The following ACAT1 variants were observed in gnomAD, a reference collection of about 807,000 sequenced individuals.
ACAT1 encodes acetyl-CoA acetyltransferase, mitochondrial.
A neutral mutation model predicts 47.3 loss-of-function variants in ACAT1; 28 were observed. The observed-to-expected ratio is 0.59, with a 90% CI of 0.44 to 0.81. ACAT1 has a LOEUF of 0.81. ACAT1 is among the 30% of genes least tolerant of loss of function. ACAT1 has a pLI of 0.00. For missense variants in ACAT1, 469 were observed against 524.3 expected (o/e 0.89, Z 1.03); for synonymous variants, 181 against 173.6 (o/e 1.04, Z -0.34).
Position 108,140,079 on chromosome 11 carries a change from G to C in ACAT1, c.594G>C (p.Glu198Asp). 1 of 1,614,006 alleles carries C rather than the reference G, an allele frequency of 6.2e-7. No homozygotes were observed. Among genetic ancestry groups the C allele is most frequent in the South Asian group, 1.1e-5 (1 of 91,076 alleles). The change falls in exon 7 of 12, where the codon GAG becomes GAC. Residue 198 changes from glutamate to aspartate, a missense_variant. Glu to Asp is a conservative substitution (Grantham distance 45). Coordinates refer to ENST00000265838, the MANE Select transcript of ACAT1 (RefSeq NM_000019.4). Reference protein sequence around the residue: ...YNKIHMGSCAENTAKKLNIAR... With the variant: ...YNKIHMGSCADNTAKKLNIAR... Reference sequence around the variant, plus strand: ...CTTTTTATCAGGGCAGCTGTGCTGAGAATACAGCAAAGAAGCTGAATATTG... The same window carrying C: ...CTTTTTATCAGGGCAGCTGTGCTGACAATACAGCAAAGAAGCTGAATATTG...
intron 3 of ACAT1, 64 bp from the exon 4 acceptor site, chr11:108,134,157 T>G (rs1340737827): frequency 9.2e-6 from 13 of 1,415,950 alleles, no homozygotes; most frequent in African/African-American, 1.4e-5. Flanking sequence ...CCTACCTTAT[T>G]AGGTAATCAC....
intron 10 of ACAT1, among the ~76,000 whole-genome samples, chr11:108,145,767 G>A (rs573423678): frequency 6.8e-4 from 104 of 152,096 alleles, no homozygotes; most frequent in Non-Finnish European, 1.1e-3. Flanking sequence ...AAAATGGGCC[G>A]GGTGCGGTGG....
chr11:108,121,662 T>C lies in ACAT1; in HGVS notation c.56T>C (p.Leu19Pro). 1 of 1,549,248 alleles carries C rather than the reference T, an allele frequency of 6.5e-7. No individual in the cohort carries two copies. Among genetic ancestry groups the C allele is most frequent in the Non-Finnish European group, 8.7e-7 (1 of 1,147,114 alleles). Residue 19 changes from leucine to proline, a missense_variant, in exon 1 of 12, where the codon CTC becomes CCC. Physicochemically the swap from Leu to Pro is moderately conservative, Grantham distance 98. Coordinates refer to ENST00000265838, the MANE Select transcript of ACAT1 (RefSeq NM_000019.4). ...GGCGCCCGCAGCCGCAGCCCCCTGC[T>C]CCGGAGGCTGGTGCAGGTGAGCGGG... ...RSGARSRSPL[L>P]RRLVQEIRYV...
At chr11:108,133,704 T>A (rs1468823341) in intron 2 of ACAT1, 116 bp from the exon 3 acceptor site, 6 of 835,822 alleles carry the variant, frequency 7.2e-6, no homozygotes, top group Non-Finnish European at 1.2e-5. Context: ...ACTATTGAGA[T>A]TAATTTTTGA....
At chr11:108,122,053 A>G in intron 1 of ACAT1, 1 of 332,726 alleles carries the variant, frequency 3.0e-6, no homozygotes, top group South Asian at 3.4e-5. Flanking sequence ...GATTTTCTTT[A>G]AAACATATTT....
Position 108,134,295 on chromosome 11 carries a change from A to G in ACAT1, c.313A>G (p.Arg105Gly). The G allele has an allele frequency of 6.2e-7, 1 of 1,613,656 alleles. No individual in the cohort carries two copies. Among genetic ancestry groups the G allele is most frequent in the East Asian group, 2.2e-5 (1 of 44,840 alleles). The change falls in exon 4 of 12, where the codon AGG (arginine) becomes GGG (glycine). Residue 105 changes from arginine (R) to glycine (G), a missense_variant. Physicochemically the swap from Arg to Gly is moderately radical, Grantham distance 125 (BLOSUM62 -2). Coordinates refer to ENST00000265838, the MANE Select transcript of ACAT1 (RefSeq NM_000019.4). ...LQGGEGQAPT[R>G]QAVLGAGLPI... ...AGGAGGTGAAGGACAAGCTCCTACA[A>G]GGCAGGCAGTATTGGGTGCAGGTAC...
At chr11:108,125,526 T>A (rs1376592171) in intron 1 of ACAT1, among the ~76,000 whole-genome samples, 1 of 152,068 alleles carries the variant, frequency 6.6e-6, no homozygotes, top group African/African-American at 2.4e-5. Flanking sequence ...GTGTAAGAGG[T>A]GCTTTGAAGG....
At chr11:108,144,154 TA>T (rs1263649675) in intron 10 of ACAT1, 107 bp downstream of exon 10, 28 of 1,284,110 alleles carry the variant, frequency 2.2e-5, no homozygotes, top group Non-Finnish European at 3.1e-5. Context: ...AGCAGAGAGA[TA>T]GCTTGGTTTC....
At chr11:108,132,875 A>C (rs1012667273) in intron 2 of ACAT1, among the ~76,000 whole-genome samples, 1 of 146,572 alleles carries the variant, frequency 6.8e-6, no homozygotes, top group African/African-American at 2.6e-5. Context: ...AAAAAAAAAA[A>C]AAAAAAGAAA....
At chr11:108,140,991 C>T (rs1419224701) in intron 7 of ACAT1, among the ~76,000 whole-genome samples, 5 of 151,792 alleles carry the variant, frequency 3.3e-5, no homozygotes, top group Non-Finnish European at 2.9e-5. Flanking sequence ...TTTGGGAGGC[C>T]GAGGTGGGAG....
chr11:108,123,439 C>T (rs1029837414), intron 1 of ACAT1, among the ~76,000 whole-genome samples: 2 of 152,092 alleles, frequency 1.3e-5, no homozygotes, highest in East Asian at 1.9e-4. Flanking sequence ...GGAATTTGAC[C>T]TCTCATTACA....
chr11:108,120,558 C>T (rs1323480983), upstream of ACAT1, among the ~76,000 whole-genome samples: 2 of 151,890 alleles, frequency 1.3e-5, no homozygotes, highest in African/African-American at 2.4e-5. Flanking sequence ...AAAAAATACT[C>T]CAAAACATAA....
At chr11:108,117,708 G>A (rs1010810540), upstream of ACAT1, among the ~76,000 whole-genome samples, 2 of 152,136 alleles carry the variant, frequency 1.3e-5, no homozygotes, top group African/African-American at 2.4e-5. Flanking sequence ...GAAGTTGTTC[G>A]TTGTAGAAGA....
At position 108,135,255 on chromosome 11, in the gene ACAT1, G is replaced by A. The variant is rs569073645; in HGVS notation, c.435+13G>A. The A allele has an allele frequency of 2.2e-5, 35 of 1,571,042 alleles. No individual in the cohort carries two copies. Among genetic ancestry groups the A allele is most frequent in the South Asian group, 5.5e-5 (5 of 90,096 alleles). ...GTGTGGACATCAGGTAAGAAACACC[G>A]TCCTTCCCATTTATTAATCAGAGTA... On this transcript the variant is annotated intron_variant, in intron 5 of 11. Transcript: ENST00000265838.
At chr11:108,142,231 A>G (rs1370740248) in intron 8 of ACAT1, among the ~76,000 whole-genome samples, 2 of 152,198 alleles carry the variant, frequency 1.3e-5, no homozygotes, top group Non-Finnish European at 2.9e-5. Context: ...GATGTTTGAG[A>G]AAACTGTTTT....
intron 1 of ACAT1, among the ~76,000 whole-genome samples, chr11:108,131,286 A>G (rs2077351917): frequency 6.6e-6 from 1 of 151,336 alleles, no homozygotes; most frequent in Non-Finnish European, 1.5e-5. Context: ...TTCTAAGACT[A>G]AATAATTTAG....
At chr11:108,116,712 G>C (rs1472396528), upstream of ACAT1, among the ~76,000 whole-genome samples, 1 of 152,148 alleles carries the variant, frequency 6.6e-6, no homozygotes, top group African/African-American at 2.4e-5. Context: ...CTTATAGCAA[G>C]AGTGGAGAAA....
intron 11 of ACAT1, 94 bp from the exon 12 acceptor site, chr11:108,147,176 T>C: frequency 1.4e-6 from 2 of 1,455,972 alleles, no homozygotes; most frequent in Non-Finnish European, 1.9e-6. Context: ...TAGTGGCTAG[T>C]AAGGTTTTCA....
chr11:108,138,034 G>C (rs577198027), intron 5 of ACAT1, among the ~76,000 whole-genome samples: 1 of 152,146 alleles, frequency 6.6e-6, no homozygotes, highest in South Asian at 2.1e-4. Flanking sequence ...TGTCACCCAG[G>C]CTGAAGTGCA....
Sources: allele counts gnomAD v4.1 joint callset (sites outside exome capture counted in the v4.1 genomes callset), GRCh38; gene constraint gnomAD v4.1.1; transcripts MANE v1.5; gene names NCBI Gene and HGNC (gene_info 2026-07-23, HGNC 2026-07-21).